The following BBX variants were observed in gnomAD, a reference collection of about 807,000 sequenced individuals.
The protein encoded by BBX is BBX high mobility group box domain containing.
Under a neutral mutation model 100.2 loss-of-function variants are expected in BBX, and 30 were observed. The ratio of observed to expected loss-of-function variants is 0.30; its 90% confidence interval spans 0.22 to 0.41. BBX has a LOEUF of 0.41. BBX is among the 10% of genes least tolerant of loss of function. BBX has a pLI of 1.00. For synonymous variants in BBX, 376 were observed against 388.1 expected (o/e 0.97, Z 0.37); for missense variants, 1,023 against 1,129.8 (o/e 0.91, Z 1.35).
chr3:107,708,750 GTTA>G (rs1197481285), intron 3 of BBX, among the ~76,000 whole-genome samples: 3 of 151,640 alleles, frequency 2.0e-5, no homozygotes, highest in Admixed American at 6.6e-5. Context: ...ATTAAAATGA[GTTA>G]TTGTAGCATA....
At chr3:107,648,831 G>C (rs2057675097) in intron 3 of BBX, among the ~76,000 whole-genome samples, 1 of 152,166 alleles carries the variant, frequency 6.6e-6, no homozygotes, top group Non-Finnish European at 1.5e-5. Flanking sequence ...AACTTGTGTG[G>C]ATTAAGATGA....
At chr3:107,746,912 G>C (rs2064662155) in intron 8 of BBX, among the ~76,000 whole-genome samples, 1 of 152,188 alleles carries the variant, frequency 6.6e-6, no homozygotes, top group Non-Finnish European at 1.5e-5. Flanking sequence ...CTTTGATGGA[G>C]TTGTTGGTGA....
At chr3:107,708,950 G>T (rs1318205276) in intron 3 of BBX, among the ~76,000 whole-genome samples, 2 of 152,074 alleles carry the variant, frequency 1.3e-5, no homozygotes, top group Non-Finnish European at 2.9e-5. Flanking sequence ...GATGTAGAAT[G>T]ATATAGTCCC....
intron 3 of BBX, among the ~76,000 whole-genome samples, chr3:107,686,923 A>G (rs895278824): frequency 3.3e-5 from 5 of 152,172 alleles, no homozygotes. Flanking sequence ...ACATCTCCAT[A>G]ATAAATTATG....
At position 107,808,835 on chromosome 3, in the gene BBX, A is replaced by G. The variant is rs1017742354; in HGVS notation, c.*3378A>G. On this transcript the variant is annotated 3_prime_UTR_variant, in exon 18 of 18. Coordinates refer to ENST00000325805, the MANE Select transcript of BBX (RefSeq NM_001142568.3). ...TCTTTTTCCCACAAATATCAGAAAT[A>G]TATTTATTTAATTCTGTCAGATGAG... 5 of 152,190 alleles carry G rather than the reference A, an allele frequency of 3.3e-5. No individual in the cohort carries two copies. The highest frequency in any genetic ancestry group is 1.3e-4 in the Admixed American group (2 of 15,276). 9.4% of individuals were successfully genotyped at this position (152,190 alleles called of 1,614,324 possible).
chr3:107,551,462 T>C (rs1456687565), intron 2 of BBX, among the ~76,000 whole-genome samples: 1 of 152,232 alleles, frequency 6.6e-6, no homozygotes, highest in African/African-American at 2.4e-5. Context: ...TGCATTTTTG[T>C]TGGGGGAAGC....
intron 2 of BBX, among the ~76,000 whole-genome samples, chr3:107,631,256 C>T (rs1338651576): frequency 6.6e-6 from 1 of 152,182 alleles, no homozygotes; most frequent in Non-Finnish European, 1.5e-5. Flanking sequence ...ATCCTAGGCA[C>T]ATCTGACTAT....
intron 2 of BBX, among the ~76,000 whole-genome samples, chr3:107,554,721 T>A (rs1027284490): frequency 6.7e-6 from 1 of 148,572 alleles, no homozygotes. Context: ...AGACCCTGTC[T>A]CAAAAGAAAA....
chr3:107,708,349 C>G (rs543849605), intron 3 of BBX, among the ~76,000 whole-genome samples: 3 of 152,116 alleles, frequency 2.0e-5, no homozygotes, highest in Non-Finnish European at 2.9e-5. Context: ...TTCTTTTCCC[C>G]CTTTCTTTTT....
intron 2 of BBX, among the ~76,000 whole-genome samples, chr3:107,644,023 C>G (rs935535905): frequency 3.3e-5 from 5 of 152,134 alleles, no homozygotes; most frequent in African/African-American, 1.2e-4. Context: ...CCAATCTCCT[C>G]TCTCACCCCT....
chr3:107,664,777 T>C (rs1192808571), intron 3 of BBX, among the ~76,000 whole-genome samples: 1 of 152,230 alleles, frequency 6.6e-6, no homozygotes, highest in African/African-American at 2.4e-5. Flanking sequence ...TTTCTTTTCT[T>C]TTCCCCCTAA....
At chr3:107,712,478 C>T (rs549206891) in intron 4 of BBX, among the ~76,000 whole-genome samples, 10 of 152,288 alleles carry the variant, frequency 6.6e-5, no homozygotes, top group South Asian at 4.1e-4. Flanking sequence ...CCCATTTGTC[C>T]GACCTGAGAC....
At chr3:107,687,981 G>C (rs1200171985) in intron 3 of BBX, among the ~76,000 whole-genome samples, 1 of 152,094 alleles carries the variant, frequency 6.6e-6, no homozygotes, top group Non-Finnish European at 1.5e-5. Context: ...CTTGAACCCG[G>C]GAGGCGGAGG....
intron 2 of BBX, among the ~76,000 whole-genome samples, chr3:107,526,971 A>G (rs2047826329): frequency 6.6e-6 from 1 of 152,188 alleles, no homozygotes; most frequent in Admixed American, 6.5e-5. Context: ...TAAAACTTAC[A>G]TGTTTGGAGA....
intron 5 of BBX, among the ~76,000 whole-genome samples, chr3:107,726,295 G>T (rs1302973087): frequency 6.6e-6 from 1 of 151,792 alleles, no homozygotes; most frequent in Admixed American, 6.6e-5. Context: ...ATACCCTGAG[G>T]CTCTTCCCAC....
intron 3 of BBX, among the ~76,000 whole-genome samples, chr3:107,700,414 CATTATTATTATTATTATTATT>C (rs71113690): frequency 1.4e-5 from 1 of 70,070 alleles, no homozygotes; most frequent in African/African-American, 3.3e-5. Flanking sequence ...CTTTCATCAT[CATTATTATTATTATTATTATT>C]ATTATTATTA....
intron 3 of BBX, among the ~76,000 whole-genome samples, chr3:107,691,502 G>T (rs936389543): frequency 6.6e-6 from 1 of 152,110 alleles, no homozygotes; most frequent in Non-Finnish European, 1.5e-5. Flanking sequence ...CTTACATTTT[G>T]TATCATATAT....
intron 2 of BBX, among the ~76,000 whole-genome samples, chr3:107,544,230 T>A (rs542755146): frequency 2.0e-4 from 31 of 152,224 alleles, no homozygotes; most frequent in Non-Finnish European, 4.3e-4. Flanking sequence ...TGCTCCTTTG[T>A]GTAAATGAGA....
intron 2 of BBX, among the ~76,000 whole-genome samples, chr3:107,613,952 T>G (rs1484851373): frequency 4.2e-5 from 5 of 118,114 alleles, no homozygotes; most frequent in African/African-American, 1.7e-4. Context: ...TTTTTTTTTT[T>G]TTTTTTTTTT....
Sources: allele counts gnomAD v4.1 joint callset (sites outside exome capture counted in the v4.1 genomes callset), GRCh38; gene constraint gnomAD v4.1.1; transcripts MANE v1.5; gene names NCBI Gene and HGNC (gene_info 2026-07-23, HGNC 2026-07-21).